RPH3A: variants seen among roughly 807,000 people sequenced by gnomAD.
RPH3A encodes rabphilin 3A.
In RPH3A, 48 loss-of-function variants were observed where a neutral mutation model predicts 102.2. The observed-to-expected ratio is 0.47, with a 90% confidence interval of 0.37 to 0.60. The LOEUF (loss-of-function observed/expected upper bound fraction) is 0.60, where lower values mean the gene tolerates loss of function less well. Ranked by LOEUF, RPH3A falls within the 20% of genes least tolerant of loss-of-function variation. The probability of loss-of-function intolerance (pLI) is 0.00; values close to 1 mark genes in which losing one functional copy is unlikely to be tolerated. For synonymous variants in RPH3A, 310 were observed against 324.3 expected, an observed-to-expected ratio of 0.96 and a Z score of 0.47; for missense variants, 781 against 910.1, an observed-to-expected ratio of 0.86 and a Z score of 1.83.
At chr12:112,866,656 T>A (rs1225513690) in intron 6 of RPH3A, 101 bp from the exon 7 acceptor site, 5 of 915,564 alleles carry the variant, frequency 5.5e-6, no homozygotes, top group Non-Finnish European at 5.1e-6. Flanking sequence ...TGGAAGCAAG[T>A]TCTTCCTCTT....
At position 112,793,310 on chromosome 12, in the gene RPH3A, C is replaced by T. The variant is rs144606791; in HGVS notation, c.-19+1047C>T. On this transcript the variant is annotated intron_variant, in intron 2 of 21. Coordinates refer to ENST00000389385, the MANE Select transcript of RPH3A (RefSeq NM_001143854.2). ...ATCTACTTTTCTGGAAATGAATGCC[C>T]TTGTTTTTAGCATTTTTGCTATTAT... Among the ~76,000 whole-genome samples the T allele has an allele frequency of 1.5e-3, 227 of 152,326 alleles. 1 individual carries two copies. The highest frequency in any genetic ancestry group is 4.9e-3 in the African/African-American group (202 of 41,574).
chr12:112,848,087 A>G (rs2042261586), intron 5 of RPH3A, among the ~76,000 whole-genome samples: 2 of 152,008 alleles, frequency 1.3e-5, no homozygotes, highest in Admixed American at 1.3e-4. Flanking sequence ...GCTGCGAGTG[A>G]GGAGGTTCTT....
intron 1 of RPH3A, among the ~76,000 whole-genome samples, chr12:112,775,033 C>A (rs1179987965): frequency 6.6e-6 from 1 of 151,380 alleles, no homozygotes; most frequent in Non-Finnish European, 1.5e-5. Flanking sequence ...CATATGGGAA[C>A]AACACACACT....
At chr12:112,805,593 C>G (rs567652914) in intron 2 of RPH3A, among the ~76,000 whole-genome samples, 3 of 152,272 alleles carry the variant, frequency 2.0e-5, no homozygotes, top group African/African-American at 7.2e-5. Context: ...TTGACTTAAG[C>G]CTGAGTCCCA....
intron 1 of RPH3A, among the ~76,000 whole-genome samples, chr12:112,666,977 C>T (rs2040087224): frequency 6.6e-6 from 1 of 152,108 alleles, no homozygotes; most frequent in Non-Finnish European, 1.5e-5. Context: ...CAATGGCTTC[C>T]AAGGCTCTTA....
chr12:112,830,048 A>G (rs1461602367), intron 3 of RPH3A, among the ~76,000 whole-genome samples: 3 of 152,164 alleles, frequency 2.0e-5, no homozygotes, highest in Non-Finnish European at 4.4e-5. Flanking sequence ...TTTTTGTTAT[A>G]ATTTCTATTA....
chr12:112,668,418 G>T (rs1372632959), intron 1 of RPH3A, among the ~76,000 whole-genome samples: 2 of 152,132 alleles, frequency 1.3e-5, no homozygotes, highest in East Asian at 3.9e-4. Flanking sequence ...AAAGTAAATG[G>T]CATCAATGAT....
intron 7 of RPH3A, 137 bp from the exon 8 acceptor site, chr12:112,868,293 G>T: frequency 1.2e-6 from 1 of 830,294 alleles, no homozygotes; most frequent in Non-Finnish European, 1.9e-6. Context: ...GCAGGGCTCT[G>T]TAGTAATAAT....
rs1440947123 is a variant in RPH3A, at chr12:112,868,526, G to A, written c.541G>A (p.Val181Ile). The change falls in exon 8 of 22, where the codon GTC (valine) becomes ATC (isoleucine). Residue 181 changes from valine (V) to isoleucine (I), a missense_variant. By Grantham distance (29) the Val-to-Ile change is conservative (BLOSUM62 3). Around this residue, in one of 2 missense-constraint regions of RPH3A, gnomAD observed 730 missense variants for 810.0 expected, o/e 0.90. Transcript: ENST00000389385. Reference protein sequence around the residue: ...PIKKTKPQQPVSEPAAPEQPA... With the variant: ...PIKKTKPQQPISEPAAPEQPA... ...AAAGAAGACCAAGCCCCAGCAGCCT[G>A]TCAGTGAGCCTGCTGCCCCTGAACA... 1 of 1,614,056 alleles carries A rather than the reference G, an allele frequency of 6.2e-7. No homozygotes were observed. Among genetic ancestry groups the A allele is most frequent in the Non-Finnish European group, 8.5e-7 (1 of 1,180,026 alleles).
chr12:112,773,366 C>T (rs904581700), intron 1 of RPH3A, among the ~76,000 whole-genome samples: 1 of 151,976 alleles, frequency 6.6e-6, no homozygotes, highest in Non-Finnish European at 1.5e-5. Flanking sequence ...AAAAGATCCC[C>T]CCTCCTTTTC....
intron 12 of RPH3A, 41 bp downstream of exon 12, chr12:112,875,782 C>T: frequency 1.3e-6 from 2 of 1,575,444 alleles, no homozygotes; most frequent in Non-Finnish European, 1.7e-6. Context: ...AAGTGGCCAC[C>T]TCTCCCCTAC....
At chr12:112,725,941 A>G (rs889667166) in intron 1 of RPH3A, among the ~76,000 whole-genome samples, 20 of 151,704 alleles carry the variant, frequency 1.3e-4, no homozygotes, top group South Asian at 8.4e-4. Flanking sequence ...GACTACAGGC[A>G]CCCGCCACCA....
chr12:112,869,859 C>T (rs757143055), intron 9 of RPH3A, 34 bp from the exon 10 acceptor site: 3 of 1,614,098 alleles, frequency 1.9e-6, no homozygotes, highest in Non-Finnish European at 2.5e-6. Flanking sequence ...CCCTCGATGC[C>T]CTTTCTCTAC....
intron 1 of RPH3A, among the ~76,000 whole-genome samples, chr12:112,775,876 A>G (rs1194139230): frequency 2.0e-5 from 3 of 152,184 alleles, no homozygotes; most frequent in Admixed American, 6.5e-5. Flanking sequence ...GTAGATTATA[A>G]TTGTGTCAAA....
chr12:112,666,401 C>T (rs907267272), intron 1 of RPH3A, among the ~76,000 whole-genome samples: 7 of 152,006 alleles, frequency 4.6e-5, no homozygotes, highest in Non-Finnish European at 1.0e-4. Flanking sequence ...GCCATCAATT[C>T]TCCTTGCTTT....
chr12:112,892,418 G>A (rs540399107), intron 19 of RPH3A, among the ~76,000 whole-genome samples: 1 of 152,312 alleles, frequency 6.6e-6, no homozygotes, highest in African/African-American at 2.4e-5. Context: ...AAGGAAGGAA[G>A]TTTGGGTAGA....
At chr12:112,688,089 C>T in intron 1 of RPH3A, among the ~76,000 whole-genome samples, 1 of 152,160 alleles carries the variant, frequency 6.6e-6, no homozygotes, top group Middle Eastern at 3.2e-3. Context: ...TAGTTATACC[C>T]TGAAATCATT....
Position 112,890,866 on chromosome 12 carries a change from T to A in RPH3A, c.1638T>A (p.Gly546=). The change falls in exon 19 of 22, where the codon GGT becomes GGA. Residue 546 remains glycine, a synonymous_variant. Coordinates refer to ENST00000389385, the MANE Select transcript of RPH3A (RefSeq NM_001143854.2). ...CAATGCAGCAGGTGGAGCGTGTTGG[T>A]GACATCGAGGAGCGTGGCAAGATCC... ...LYEEEQVERV[G]DIEERGKILV... is the part of the protein sequence containing the mutation. 1.2e-6 allele frequency: 2 copies of A among 1,613,852 alleles called. No homozygotes were observed. The highest frequency in any genetic ancestry group is 1.7e-4 in the Middle Eastern group (1 of 6,052).
chr12:112,770,791 A>G (rs946143317), intron 1 of RPH3A, among the ~76,000 whole-genome samples: 1 of 152,180 alleles, frequency 6.6e-6, no homozygotes, highest in Non-Finnish European at 1.5e-5. Flanking sequence ...ATTGAACACA[A>G]TTGCATGTTT....
Sources: gnomAD v4.1 joint callset for allele counts (sites outside exome capture counted in the v4.1 genomes callset) on GRCh38, gnomAD v4.1.1 for gene constraint, gnomAD v4.1.1 regional missense constraint, MANE v1.5 for transcripts, NCBI Gene and HGNC (gene_info 2026-07-23, HGNC 2026-07-21) for gene names.